Variants in ANKIB1 observed in about 807,000 individuals in gnomAD.
ANKIB1 encodes the protein ankyrin repeat and IBR domain-containing protein 1.
A neutral mutation model predicts 122.1 loss-of-function variants in ANKIB1; 43 were observed. The ratio of observed to expected loss-of-function variants is 0.35; its 90% CI spans 0.28 to 0.45. The LOEUF (loss-of-function observed/expected upper bound fraction) is 0.45. Among genes scored for constraint, ANKIB1 ranks in the 20% least tolerant of loss-of-function variants. The pLI, the probability that ANKIB1 is intolerant of heterozygous loss-of-function variation, is 1.00. For synonymous variants in ANKIB1, 390 were observed against 442.0 expected, an observed-to-expected ratio of 0.88 and a Z score of 1.48; for missense variants, 992 against 1,329.5, an observed-to-expected ratio of 0.75 and a Z score of 3.95.
intron 1 of ANKIB1, among the ~76,000 whole-genome samples, chr7:92,249,131 G>T (rs994384257): frequency 1.3e-5 from 2 of 152,068 alleles, no homozygotes; most frequent in African/African-American, 2.4e-5. Flanking sequence ...CAGGTGATCC[G>T]CCTGCCTTGG....
intron 2 of ANKIB1, among the ~76,000 whole-genome samples, chr7:92,302,933 A>T (rs562974521): frequency 5.3e-5 from 8 of 152,186 alleles, no homozygotes; most frequent in Non-Finnish European, 7.3e-5. Context: ...ATGCTCAGTC[A>T]ATGTTGCATG....
chr7:92,373,873 C>T (rs980602194), intron 11 of ANKIB1, among the ~76,000 whole-genome samples: 1 of 152,072 alleles, frequency 6.6e-6, no homozygotes, highest in African/African-American at 2.4e-5. Context: ...TTTAAAATTT[C>T]CCTTTAGATA....
intron 9 of ANKIB1, among the ~76,000 whole-genome samples, chr7:92,358,594 C>T (rs200916581): frequency 2.3e-4 from 32 of 141,524 alleles, no homozygotes; most frequent in African/African-American, 5.5e-4. Flanking sequence ...CCCCATGATT[C>T]TTTTTTTTTT....
At chr7:92,294,300 A>G (rs1415608609) in intron 1 of ANKIB1, among the ~76,000 whole-genome samples, 1 of 152,118 alleles carries the variant, frequency 6.6e-6, no homozygotes, top group African/African-American at 2.4e-5. Context: ...TAATCACTGT[A>G]TTGTTCTGTG....
intron 7 of ANKIB1, chr7:92,347,952 T>C: frequency 2.2e-6 from 1 of 444,914 alleles, no homozygotes; most frequent in Non-Finnish European, 4.5e-6. Flanking sequence ...CTAAGCATTG[T>C]AATAAGCAGA....
In ANKIB1 at chr7:92,268,539, G is replaced by A. The variant is rs543662424; in HGVS notation, c.-91+22020G>A. 2.5e-3 allele frequency among the ~76,000 whole-genome samples: 379 copies of A among 152,274 alleles called. 3 individuals are homozygous for A. Among genetic ancestry groups the A allele is most frequent in the Admixed American group, 0.023 (345 of 15,300 alleles). ...GTCGCCCAGGCTGGAGTGCAGTGGCGCAATCTTGGCTCACTGCAACCTCTG... is the reference window on the plus strand; with the variant it reads ...GTCGCCCAGGCTGGAGTGCAGTGGCACAATCTTGGCTCACTGCAACCTCTG... On this transcript the variant is annotated intron_variant, in intron 1 of 19. Transcript: ENST00000265742.
chr7:92,320,855 T>C (rs577651770), intron 4 of ANKIB1, among the ~76,000 whole-genome samples: 2 of 152,302 alleles, frequency 1.3e-5, no homozygotes, highest in African/African-American at 4.8e-5. Context: ...TTCGTTGTAC[T>C]TAGAATAAAA....
chr7:92,381,715 C>G (rs1177872237), intron 11 of ANKIB1, among the ~76,000 whole-genome samples: 2 of 152,144 alleles, frequency 1.3e-5, no homozygotes, highest in African/African-American at 2.4e-5. Context: ...ACCACCAGAC[C>G]TGCCTTATAA....
intron 2 of ANKIB1, among the ~76,000 whole-genome samples, chr7:92,306,218 A>C (rs1462278595): frequency 6.6e-6 from 1 of 152,134 alleles, no homozygotes; most frequent in Non-Finnish European, 1.5e-5. Context: ...TCTGGAGTTC[A>C]GAAGACTATA....
intron 7 of ANKIB1, among the ~76,000 whole-genome samples, chr7:92,350,521 T>C (rs1023128957): frequency 2.0e-5 from 3 of 152,134 alleles, no homozygotes; most frequent in Non-Finnish European, 4.4e-5. Flanking sequence ...TTTCACACTT[T>C]TGTTGGTATT....
At chr7:92,353,806 C>T (rs1451496756) in intron 9 of ANKIB1, among the ~76,000 whole-genome samples, 1 of 152,158 alleles carries the variant, frequency 6.6e-6, no homozygotes, top group East Asian at 1.9e-4. Flanking sequence ...ATTGTCTGTG[C>T]CTGCTTTTGG....
chr7:92,335,396 T>G (rs2131966215), intron 5 of ANKIB1, among the ~76,000 whole-genome samples: 1 of 152,078 alleles, frequency 6.6e-6, no homozygotes, highest in Non-Finnish European at 1.5e-5. Flanking sequence ...TTAATTAAGG[T>G]CAGTAGTGTT....
At chr7:92,283,079 A>C (rs1802042960) in intron 1 of ANKIB1, among the ~76,000 whole-genome samples, 1 of 152,124 alleles carries the variant, frequency 6.6e-6, no homozygotes, top group African/African-American at 2.4e-5. Flanking sequence ...TGTAGATCTA[A>C]AAGATATCTA....
intron 1 of ANKIB1, among the ~76,000 whole-genome samples, chr7:92,270,732 T>G (rs899760379): frequency 1.4e-5 from 2 of 142,588 alleles, no homozygotes; most frequent in African/African-American, 5.4e-5. Context: ...GCTATAGTTT[T>G]TTTTTTTTTT....
At chr7:92,290,750 A>G (rs1054482262) in intron 1 of ANKIB1, among the ~76,000 whole-genome samples, 10 of 152,174 alleles carry the variant, frequency 6.6e-5, no homozygotes, top group South Asian at 2.1e-4. Context: ...TAACCTATCA[A>G]TGGTGCAGTT....
intron 10 of ANKIB1, among the ~76,000 whole-genome samples, chr7:92,365,866 G>A (rs570227321): frequency 8.5e-6 from 1 of 117,228 alleles, no homozygotes; most frequent in South Asian, 2.9e-4. Context: ...GTGCGATCTC[G>A]GCTCACTGCA....
At chr7:92,264,073 A>G (rs1045088521) in intron 1 of ANKIB1, among the ~76,000 whole-genome samples, 8 of 151,894 alleles carry the variant, frequency 5.3e-5, no homozygotes, top group African/African-American at 1.9e-4. Flanking sequence ...ATGATTAACC[A>G]TCACTTATTT....
chr7:92,305,477 G>A (rs1051103062), intron 2 of ANKIB1, among the ~76,000 whole-genome samples: 12 of 152,154 alleles, frequency 7.9e-5, no homozygotes, highest in African/African-American at 2.4e-4. Flanking sequence ...TATAGGCCCT[G>A]CCTTAAAAGC....
chr7:92,275,322 A>G (rs142938419), intron 1 of ANKIB1, among the ~76,000 whole-genome samples: 1 of 152,150 alleles, frequency 6.6e-6, no homozygotes, highest in Non-Finnish European at 1.5e-5. Flanking sequence ...GTACTTAGAT[A>G]TTACTGATGT....
Sources: gnomAD v4.1 joint callset for allele counts (sites outside exome capture counted in the v4.1 genomes callset) on GRCh38, gnomAD v4.1.1 for gene constraint, MANE v1.5 for transcripts, NCBI Gene and HGNC (gene_info 2026-07-23, HGNC 2026-07-21) for gene names.